The following SCAMP2 variants were observed in gnomAD, a reference collection of about 807,000 sequenced individuals.
The protein encoded by SCAMP2 is secretory carrier membrane protein 2.
SCAMP2 carries 25 observed loss-of-function variants against 44.1 expected under a neutral mutation model. The ratio of observed to expected loss-of-function variants is 0.57; its 90% confidence interval spans 0.41 to 0.79. The LOEUF is 0.79. Ranked by LOEUF, SCAMP2 falls within the 30% of genes least tolerant of loss-of-function variation. SCAMP2 has a pLI of 0.00. For missense variants in SCAMP2, 355 were observed against 411.0 expected (o/e 0.86, Z 1.18); for synonymous variants, 156 against 166.0 (o/e 0.94, Z 0.46).
chr15:74,849,385 T>C (rs934438313), intron 6 of SCAMP2, among the ~76,000 whole-genome samples: 10 of 149,344 alleles, frequency 6.7e-5, no homozygotes, highest in African/African-American at 2.5e-4. Flanking sequence ...GAGGCGGAGG[T>C]TGCAGTGAGC....
In SCAMP2 at chr15:74,844,879, GTTTTTTTT is replaced by G; in HGVS notation, c.*196_*203del. 2 of 544,052 alleles carry G rather than the reference GTTTTTTTT, an allele frequency of 3.7e-6. No homozygotes were observed. Among genetic ancestry groups the G allele is most frequent in the East Asian group, 3.0e-5 (1 of 32,910 alleles). The allele number at this position is 544,052 out of a possible 1,614,324, so 33.7% of individuals were successfully genotyped here. A position where few individuals can be genotyped will look rare whatever the true frequency, so the allele number is the denominator to read the frequency against. On this transcript the variant is annotated 3_prime_UTR_variant, in exon 9 of 9. Coordinates refer to ENST00000268099, the MANE Select transcript of SCAMP2 (RefSeq NM_005697.5). The stretch of plus-strand genomic sequence containing the variant: ...TCACCAGAGAAGGAAAGAGAGCTTT[GTTTTTTTT>G]TGTACATAGAGGGGGAAAAAATTCC...
intron 6 of SCAMP2, among the ~76,000 whole-genome samples, chr15:74,849,035 C>T (rs2064417627): frequency 6.6e-6 from 1 of 152,034 alleles, no homozygotes; most frequent in African/African-American, 2.4e-5. Context: ...GCCTGGGTGA[C>T]AGAGTAAGAC....
intron 1 of SCAMP2, among the ~76,000 whole-genome samples, chr15:74,868,592 G>A (rs1736334052): frequency 6.6e-6 from 1 of 152,132 alleles, no homozygotes; most frequent in South Asian, 2.1e-4. Context: ...TACCCAGGCT[G>A]GAGTGCAAAG....
chr15:74,853,560 C>A, intron 3 of SCAMP2: 1 of 432,070 alleles, frequency 2.3e-6, no homozygotes. Context: ...AGCGGGAGGG[C>A]AGTGAGGCGG....
At chr15:74,853,817 TG>T in intron 3 of SCAMP2, 1 of 586,818 alleles carries the variant, frequency 1.7e-6, no homozygotes, top group Non-Finnish European at 3.0e-6. Flanking sequence ...GTGGTGGTGG[TG>T]GGTGGGATGG....
At chr15:74,851,651 A>T (rs1190848295) in intron 4 of SCAMP2, among the ~76,000 whole-genome samples, 170 bp from the exon 5 acceptor site, 2 of 152,190 alleles carry the variant, frequency 1.3e-5, no homozygotes, top group African/African-American at 4.8e-5. Flanking sequence ...AGGATAATGG[A>T]ACCCAAAGAG....
chr15:74,856,431 C>T (rs901219328), intron 1 of SCAMP2, among the ~76,000 whole-genome samples: 1 of 151,328 alleles, frequency 6.6e-6, no homozygotes, highest in Non-Finnish European at 1.5e-5. Context: ...CCTGCCACCA[C>T]ACCTAGCTAA....
Position 74,848,709 on chromosome 15 carries a change from G to A in SCAMP2, c.633-8C>T, listed in dbSNP as rs28602603. ...CTGAAAGAGTTGTCGGACCTGTGGA[G>A]AGAGAGGGAAATAAGTCACAAGAGG... is the stretch of plus-strand genomic sequence containing the variant. On this transcript the variant is annotated splice_region_variant and splice_polypyrimidine_tract_variant and intron_variant, in intron 6 of 8. Transcript: ENST00000268099. The A allele has an allele frequency of 2.5e-6, 4 of 1,602,090 alleles. No homozygotes were observed. Among genetic ancestry groups the A allele is most frequent in the Non-Finnish European group, 3.4e-6 (4 of 1,169,644 alleles).
At chr15:74,865,721 G>A (rs1460653129) in intron 1 of SCAMP2, among the ~76,000 whole-genome samples, 1 of 142,768 alleles carries the variant, frequency 7.0e-6, no homozygotes, top group Non-Finnish European at 1.5e-5. Flanking sequence ...GGAGGTTGAG[G>A]CAGGATTGCT....
intron 1 of SCAMP2, among the ~76,000 whole-genome samples, chr15:74,861,900 C>CAAAAA (rs71140103): frequency 9.0e-5 from 4 of 44,202 alleles, no homozygotes; most frequent in African/African-American, 2.2e-4. Flanking sequence ...GACTCTGTCT[C>CAAAAA]AAAAAAAAAA....
intron 1 of SCAMP2, among the ~76,000 whole-genome samples, chr15:74,860,094 CT>C (rs1191687124): frequency 1.3e-5 from 2 of 151,990 alleles, no homozygotes; most frequent in Admixed American, 1.3e-4. Context: ...GACCCTGTCT[CT>C]TTTTTTTCAT....
chr15:74,846,835 G>A (rs2064402891), intron 7 of SCAMP2, among the ~76,000 whole-genome samples: 1 of 152,152 alleles, frequency 6.6e-6, no homozygotes. Context: ...AGTATGGAAA[G>A]CGTGGCTGCT....
Position 74,861,545 on chromosome 15 carries a change from C to T in SCAMP2, c.58-6896G>A, listed in dbSNP as rs2064503314. 4.6e-5 allele frequency among the ~76,000 whole-genome samples: 7 copies of T among 152,254 alleles called. No homozygotes were observed. In the South Asian group the frequency reaches 1.2e-3, roughly 27 times the overall value. On this transcript the variant is annotated intron_variant, in intron 1 of 8. Coordinates refer to ENST00000268099, the MANE Select transcript of SCAMP2 (RefSeq NM_005697.5). ...CCACAGGTATGTTTTGGTACGCATCCCCTTGAAGGCCCACAACGCCACTAA... is the reference window on the plus strand; with the variant it reads ...CCACAGGTATGTTTTGGTACGCATCTCCTTGAAGGCCCACAACGCCACTAA...
Position 74,873,318 on chromosome 15 carries a change from C to T in SCAMP2, c.-63G>A. ...GCTGCCTCCGGGCACCCAGACCCAGCGGCGCTTCGTGTAGACCCTCCACTT... is the reference window on the plus strand; with the variant it reads ...GCTGCCTCCGGGCACCCAGACCCAGTGGCGCTTCGTGTAGACCCTCCACTT... On this transcript the variant is annotated 5_prime_UTR_variant, in exon 1 of 9. Coordinates refer to ENST00000268099, the MANE Select transcript of SCAMP2 (RefSeq NM_005697.5). 7.0e-7 allele frequency: 1 copy of T among 1,425,344 alleles called. No individual in the cohort carries two copies. The highest frequency in any genetic ancestry group is 9.2e-7 in the Non-Finnish European group (1 of 1,082,908). The allele number at this position is 1,425,344 out of a possible 1,614,324, so 88.3% of individuals were successfully genotyped here.
At chr15:74,846,446 C>CAA (rs35643920) in intron 7 of SCAMP2, among the ~76,000 whole-genome samples, 11 of 109,472 alleles carry the variant, frequency 1.0e-4, no homozygotes, top group African/African-American at 3.1e-4. Context: ...ACCCTGTCTC[C>CAA]AAAAAAAAAA....
At position 74,844,702 on chromosome 15, in the gene SCAMP2, G is replaced by C. The variant is rs1415844698; in HGVS notation, c.*381C>G. 5.6e-6 allele frequency: 1 copy of C among 176,992 alleles called. No individual in the cohort carries two copies. Among genetic ancestry groups the C allele is most frequent in the Non-Finnish European group, 1.2e-5 (1 of 82,550 alleles). The allele number at this position is 176,992 out of a possible 1,614,324, so 11.0% of individuals were successfully genotyped here. On this transcript the variant is annotated 3_prime_UTR_variant, in exon 9 of 9. Coordinates refer to ENST00000268099, the MANE Select transcript of SCAMP2 (RefSeq NM_005697.5). ...TTCAGGCCAGGCCTGCAGGGTGGGGGAGTCAAGGCCCAGGACCCTGGCAGA... is the reference window on the plus strand; with the variant it reads ...TTCAGGCCAGGCCTGCAGGGTGGGGCAGTCAAGGCCCAGGACCCTGGCAGA...
intron 1 of SCAMP2, among the ~76,000 whole-genome samples, chr15:74,870,593 T>G (rs1359007902): frequency 6.6e-6 from 1 of 152,176 alleles, no homozygotes; most frequent in African/African-American, 2.4e-5. Context: ...CTTTACTCAA[T>G]AGAGATGACT....
chr15:74,854,758 G>A (rs934770375), intron 1 of SCAMP2, 109 bp from the exon 2 acceptor site: 128 of 943,910 alleles, frequency 1.4e-4, no homozygotes, highest in Middle Eastern at 2.8e-4. Flanking sequence ...TCACCCTCCC[G>A]GGACCCTGAG....
chr15:74,845,423 C>T (rs754577900), intron 8 of SCAMP2, 50 bp downstream of exon 8: 58 of 1,613,164 alleles, frequency 3.6e-5, no homozygotes, highest in Admixed American at 1.8e-4. Context: ...GGGCAGGAAA[C>T]GGTTGCCTGC....
Sources: gnomAD v4.1 joint callset for allele counts (sites outside exome capture counted in the v4.1 genomes callset) on GRCh38, gnomAD v4.1.1 for gene constraint, MANE v1.5 for transcripts, NCBI Gene and HGNC (gene_info 2026-07-23, HGNC 2026-07-21) for gene names.